NDEL1: variants seen among roughly 807,000 people sequenced by gnomAD.
NDEL1 encodes the protein nudE neurodevelopment protein 1 like 1, also known as nuclear distribution protein nudE-like 1.
NDEL1 carries 9 observed loss-of-function variants against 45.7 expected under a neutral mutation model. The observed-to-expected ratio is 0.20, with a 90% CI of 0.12 to 0.34. The LOEUF (loss-of-function observed/expected upper bound fraction) is 0.34. Among genes scored for constraint, NDEL1 ranks in the 10% least tolerant of loss-of-function variants. NDEL1 has a pLI of 1.00. For missense variants in NDEL1, 306 were observed against 406.2 expected, an observed-to-expected ratio of 0.75 and a Z score of 2.12; for synonymous variants, 133 against 158.6, an observed-to-expected ratio of 0.84 and a Z score of 1.21.
chr17:8,440,349 A>C (rs531452711), intron 1 of NDEL1, among the ~76,000 whole-genome samples: 1 of 151,958 alleles, frequency 6.6e-6, no homozygotes, highest in African/African-American at 2.4e-5. Context: ...ACCGTGTCCT[A>C]CTAAAAATAC....
At chr17:8,461,007 C>T (rs1033238500) in intron 8 of NDEL1, 3 of 152,056 alleles carry the variant, frequency 2.0e-5, no homozygotes, top group African/African-American at 7.2e-5. Context: ...TATTAGGACC[C>T]GTGGCCTGGG....
intron 1 of NDEL1, among the ~76,000 whole-genome samples, chr17:8,425,049 G>A (rs546369987): frequency 1.4e-4 from 22 of 152,262 alleles, no homozygotes; most frequent in Middle Eastern, 3.4e-3. Context: ...CCCTTTTCAC[G>A]AGGGTGCTCG....
intron 4 of NDEL1, among the ~76,000 whole-genome samples, chr17:8,447,182 G>A (rs1489431836): frequency 6.6e-6 from 1 of 152,020 alleles, no homozygotes; most frequent in African/African-American, 2.4e-5. Flanking sequence ...TCACATTGTC[G>A]CCCAGTCTGG....
intron 1 of NDEL1, among the ~76,000 whole-genome samples, chr17:8,422,286 C>G (rs1198641461): frequency 6.6e-6 from 1 of 152,162 alleles, no homozygotes; most frequent in East Asian, 1.9e-4. Flanking sequence ...AGAAAGGGCT[C>G]CCCTGCCTCT....
intron 1 of NDEL1, among the ~76,000 whole-genome samples, chr17:8,415,971 A>G (rs971479442): frequency 4.0e-5 from 6 of 151,812 alleles, no homozygotes; most frequent in Admixed American, 1.3e-4. Flanking sequence ...CTGGTCTTGA[A>G]CACCTGACCT....
intron 1 of NDEL1, among the ~76,000 whole-genome samples, chr17:8,427,385 A>G (rs1908864161): frequency 1.3e-5 from 2 of 152,128 alleles, no homozygotes; most frequent in South Asian, 2.1e-4. Flanking sequence ...TGAATCGGAC[A>G]TGAGTTGGTT....
At chr17:8,441,511 C>T (rs1567728934) in intron 1 of NDEL1, among the ~76,000 whole-genome samples, 1 of 152,190 alleles carries the variant, frequency 6.6e-6, no homozygotes, top group Non-Finnish European at 1.5e-5. Context: ...AAAATCAATA[C>T]ATTACAAGTT....
chr17:8,452,986 A>G (rs1343568949), intron 6 of NDEL1, among the ~76,000 whole-genome samples: 2 of 151,892 alleles, frequency 1.3e-5, no homozygotes, highest in Non-Finnish European at 1.5e-5. Context: ...TGATCCACCC[A>G]CCTCAGCCTC....
At chr17:8,433,228 C>G (rs886416662), upstream of NDEL1, among the ~76,000 whole-genome samples, 2 of 152,140 alleles carry the variant, frequency 1.3e-5, no homozygotes, top group African/African-American at 4.8e-5. Context: ...AAAGTTAGCT[C>G]AACTTTAATT....
At chr17:8,449,261 G>A (rs906175433) in intron 5 of NDEL1, among the ~76,000 whole-genome samples, 1 of 152,128 alleles carries the variant, frequency 6.6e-6, no homozygotes, top group African/African-American at 2.4e-5. Context: ...GATTACAGAC[G>A]TGAGCCACCG....
intron 8 of NDEL1, 35 bp from the exon 9 acceptor site, chr17:8,466,895 C>T (rs1254139553): frequency 6.3e-7 from 1 of 1,593,690 alleles, no homozygotes. Flanking sequence ...TTCGTTTCCC[C>T]TTTCTTCCCT....
In NDEL1 at chr17:8,450,963, G is replaced by T; in HGVS notation, c.700+10G>T. ...TTTCCTTCACCGAAAGGTTTGTAAT[G>T]TCTTTTCTTTTTGAGGCGATGTGTT... On this transcript the variant is annotated intron_variant, in intron 6 of 8. Transcript: ENST00000334527. 11 of 1,597,866 alleles carry T rather than the reference G, an allele frequency of 6.9e-6. No homozygotes were observed. The highest frequency in any genetic ancestry group is 9.4e-6 in the Non-Finnish European group (11 of 1,173,746).
chr17:8,460,025 T>C lies in NDEL1; in HGVS notation c.809T>C (p.Leu270Ser). ...LRKVGALESK[L>S]AACRNFAKDQ... ...TTTTTGTAGGCTTTAGAATCCAAAT[T>C]AGCAGCTTGCAGGAATTTTGCAAAG... is the stretch of plus-strand genomic sequence containing the variant. The change falls in exon 8 of 9, where the codon TTA becomes TCA. Residue 270 changes from leucine (L) to serine (S), a missense_variant. Physicochemically the swap from Leu to Ser is moderately radical, Grantham distance 145. Around this residue, in one of 3 missense-constraint regions of NDEL1, gnomAD observed 175 missense variants for 205.2 expected, o/e 0.85. Coordinates refer to ENST00000334527, the MANE Select transcript of NDEL1 (RefSeq NM_030808.5). 6.2e-7 allele frequency: 1 copy of C among 1,613,398 alleles called. No homozygotes were observed. Among genetic ancestry groups the C allele is most frequent in the Non-Finnish European group, 8.5e-7 (1 of 1,179,760 alleles).
chr17:8,427,434 C>T (rs1038688736), intron 1 of NDEL1, among the ~76,000 whole-genome samples: 1 of 152,134 alleles, frequency 6.6e-6, no homozygotes, highest in African/African-American at 2.4e-5. Context: ...GGCATGGTGG[C>T]TCATGCCTGT....
At chr17:8,440,205 A>G (rs775765952) in intron 1 of NDEL1, among the ~76,000 whole-genome samples, 3 of 152,242 alleles carry the variant, frequency 2.0e-5, no homozygotes, top group Non-Finnish European at 4.4e-5. Context: ...CATTCAATTC[A>G]CATGAGATTC....
intron 1 of NDEL1, among the ~76,000 whole-genome samples, chr17:8,424,606 A>C (rs905685912): frequency 6.6e-6 from 1 of 152,192 alleles, no homozygotes; most frequent in African/African-American, 2.4e-5. Flanking sequence ...GGTTCACGCC[A>C]TTCTCCTGCC....
chr17:8,415,359 T>G (rs1908522519), intron 1 of NDEL1, among the ~76,000 whole-genome samples: 1 of 152,116 alleles, frequency 6.6e-6, no homozygotes, highest in Non-Finnish European at 1.5e-5. Flanking sequence ...TTTGCATTTT[T>G]TTAGAGACGA....
chr17:8,432,347 AAT>A, upstream of NDEL1, among the ~76,000 whole-genome samples: 4 of 58,454 alleles, frequency 6.8e-5, no homozygotes, highest in Non-Finnish European at 1.5e-4. Flanking sequence ...ATTATATATA[AAT>A]ATAAATATAA....
intron 2 of NDEL1, 98 bp downstream of exon 2, chr17:8,444,455 A>G: frequency 1.3e-6 from 1 of 789,542 alleles, no homozygotes; most frequent in Non-Finnish European, 2.1e-6. Context: ...TAAATTTAGA[A>G]TTGCAGATTT....
Sources: gnomAD v4.1 joint callset for allele counts (sites outside exome capture counted in the v4.1 genomes callset) on GRCh38, gnomAD v4.1.1 for gene constraint, gnomAD v4.1.1 regional missense constraint, MANE v1.5 for transcripts, NCBI Gene and HGNC (gene_info 2026-07-23, HGNC 2026-07-21) for gene names.